ACTR5: variants seen among roughly 807,000 people sequenced by gnomAD.
The protein encoded by ACTR5 is actin related protein 5.
ACTR5 carries 43 observed loss-of-function variants against 61.2 expected under a neutral mutation model. That is an observed-to-expected ratio of 0.70 (90% CI 0.55 to 0.91). The LOEUF (loss-of-function observed/expected upper bound fraction) is 0.91. Among genes scored for constraint, ACTR5 ranks in the 40% least tolerant of loss-of-function variants. The pLI, the probability that ACTR5 is intolerant of heterozygous loss-of-function variation, is 0.00. For missense variants in ACTR5, 798 were observed against 782.2 expected, an observed-to-expected ratio of 1.02 and a Z score of -0.24; for synonymous variants, 333 against 310.5, an observed-to-expected ratio of 1.07 and a Z score of -0.76.
Position 38,755,986 on chromosome 20 carries a change from A to G in ACTR5, c.1123A>G (p.Ile375Val). 6.2e-7 allele frequency: 1 copy of G among 1,613,974 alleles called. No homozygotes were observed. Among genetic ancestry groups the G allele is most frequent in the South Asian group, 1.1e-5 (1 of 91,070 alleles). The change falls in exon 5 of 9, where the codon ATC becomes GTC. Residue 375 changes from isoleucine to valine, a missense_variant. By Grantham distance (29) the Ile-to-Val change is conservative. Transcript: ENST00000243903. ...AGCAGTGGAGCAGGCTAAGCAGAAA[A>G]TCCTCCAAGCGGAAGTCAACCTCGA... ...SIAVEQAKQK[I>V]LQAEVNLEVD...
chr20:38,754,436 C>T (rs1430908786), intron 3 of ACTR5, among the ~76,000 whole-genome samples: 3 of 151,938 alleles, frequency 2.0e-5, no homozygotes, highest in Non-Finnish European at 4.4e-5. Flanking sequence ...ACAATGGAGT[C>T]GGCCGGGCAT....
At chr20:38,753,707 AAAT>A (rs1428730284) in intron 3 of ACTR5, among the ~76,000 whole-genome samples, 2 of 152,202 alleles carry the variant, frequency 1.3e-5, no homozygotes, top group African/African-American at 2.4e-5. Context: ...TTTTTAAAAA[AAAT>A]CTATTCAGTC....
intron 5 of ACTR5, among the ~76,000 whole-genome samples, chr20:38,760,557 A>C (rs1207860378): frequency 1.3e-5 from 2 of 152,192 alleles, no homozygotes; most frequent in African/African-American, 2.4e-5. Flanking sequence ...CAGTGTTGAT[A>C]ATAGAGCATG....
At position 38,767,563 on chromosome 20, in the gene ACTR5, G is replaced by A; in HGVS notation, c.1533G>A (p.Leu511=). The part of the protein sequence containing the change: ...PGMKARMEKE[L]LEMRPFRSSF... ...TGAAAGCCAGAATGGAGAAGGAACT[G>A]TTGGAGATGAGACCCTTCCGGTCTT... The change falls in exon 8 of 9, where the codon CTG becomes CTA. Residue 511 remains leucine (L), a synonymous_variant. Transcript: ENST00000243903. 6.2e-7 allele frequency: 1 copy of A among 1,614,096 alleles called. No homozygotes were observed. Among genetic ancestry groups the A allele is most frequent in the Non-Finnish European group, 8.5e-7 (1 of 1,179,990 alleles).
rs568689547 is a variant in ACTR5 at position 38,771,996 on chromosome 20, G to A, written c.*180G>A. On this transcript the variant is annotated 3_prime_UTR_variant, in exon 9 of 9. Transcript: ENST00000243903. Reference sequence around the variant, plus strand: ...CACTGAGACCTGCCCTTCAGAATTCGGTTCACTTGGGGGCTTCTGTGGTAG... The same window carrying A: ...CACTGAGACCTGCCCTTCAGAATTCAGTTCACTTGGGGGCTTCTGTGGTAG... 5.9e-6 allele frequency: 5 copies of A among 854,700 alleles called. No homozygotes were observed. The highest frequency in any genetic ancestry group is 3.4e-5 in the African/African-American group (2 of 58,688). 52.9% of individuals were successfully genotyped at this position (854,700 alleles called of 1,614,324 possible).
At chr20:38,749,365 C>A (rs935609205) in intron 1 of ACTR5, among the ~76,000 whole-genome samples, 13 of 152,142 alleles carry the variant, frequency 8.5e-5, no homozygotes, top group African/African-American at 3.1e-4. Context: ...ATGTGAATAT[C>A]TGAAGGAAAA....
intron 5 of ACTR5, among the ~76,000 whole-genome samples, chr20:38,765,070 T>G (rs895546752): frequency 3.3e-5 from 5 of 152,162 alleles, no homozygotes; most frequent in African/African-American, 1.2e-4. Context: ...CTCTTAGAGT[T>G]GCGTGTGTGG....
intron 5 of ACTR5, chr20:38,761,804 G>A (rs2084456602): frequency 6.6e-6 from 1 of 152,616 alleles, no homozygotes; most frequent in African/African-American, 2.4e-5. Flanking sequence ...GAAGAATAAA[G>A]AGGGAAGTTC....
At chr20:38,754,738 G>A (rs773692425) in intron 3 of ACTR5, among the ~76,000 whole-genome samples, 35 of 151,174 alleles carry the variant, frequency 2.3e-4, no homozygotes, top group Non-Finnish European at 4.3e-4. Context: ...ACAGGTGCCC[G>A]CCACCACGCA....
At chr20:38,766,982 C>T (rs1490223083) in intron 7 of ACTR5, among the ~76,000 whole-genome samples, 1 of 152,034 alleles carries the variant, frequency 6.6e-6, no homozygotes, top group African/African-American at 2.4e-5. Flanking sequence ...TTTGTCTTGA[C>T]AGTGGTTGGA....
Position 38,748,652 on chromosome 20 carries a change from C to A in ACTR5, c.174C>A (p.Arg58=). 2 of 1,514,416 alleles carry A rather than the reference C, an allele frequency of 1.3e-6. No homozygotes were observed. The highest frequency in any genetic ancestry group is 1.8e-6 in the Non-Finnish European group (2 of 1,134,496). The allele number at this position is 1,514,416 out of a possible 1,614,324, so 93.8% of individuals were successfully genotyped here. A position where few individuals can be genotyped will look rare whatever the true frequency, so the allele number is the denominator to read the frequency against. ...CPGQDPGPEP[R]LQFRAVCARG... is the part of the protein sequence containing the mutation. Reference sequence around the variant, plus strand: ...GGCAGGACCCAGGTCCCGAGCCGCGCCTGCAGTTCCGCGCGGTGTGCGCCC... The same window carrying A: ...GGCAGGACCCAGGTCCCGAGCCGCGACTGCAGTTCCGCGCGGTGTGCGCCC... Residue 58 remains arginine (R), a synonymous_variant, in exon 1 of 9, where the codon CGC becomes CGA. Coordinates refer to ENST00000243903, the MANE Select transcript of ACTR5 (RefSeq NM_024855.4).
intron 5 of ACTR5, chr20:38,761,848 T>C (rs1170219552): frequency 1.3e-5 from 2 of 152,280 alleles, no homozygotes; most frequent in African/African-American, 4.8e-5. Context: ...TCTTTTAAGA[T>C]TTCCAGGGTT....
chr20:38,765,325 T>C (rs1421895515), intron 5 of ACTR5, 77 bp from the exon 6 acceptor site: 1 of 1,026,536 alleles, frequency 9.7e-7, no homozygotes, highest in African/African-American at 1.6e-5. Context: ...ATCCCAGTTC[T>C]TTTTTGTGGC....
intron 2 of ACTR5, among the ~76,000 whole-genome samples, chr20:38,750,726 T>G (rs1311615200): frequency 6.6e-6 from 1 of 152,106 alleles, no homozygotes; most frequent in Non-Finnish European, 1.5e-5. Flanking sequence ...CCTCCCGGGT[T>G]CAATTGATTC....
At chr20:38,768,811 G>A (rs553034608) in intron 8 of ACTR5, among the ~76,000 whole-genome samples, 2 of 152,306 alleles carry the variant, frequency 1.3e-5, no homozygotes, top group Non-Finnish European at 2.9e-5. Context: ...TAACAGTAGG[G>A]TGGTCCTGTT....
At chr20:38,754,435 T>G in intron 3 of ACTR5, among the ~76,000 whole-genome samples, 1 of 150,716 alleles carries the variant, frequency 6.6e-6, no homozygotes, top group Non-Finnish European at 1.5e-5. Context: ...AACAATGGAG[T>G]CGGCCGGGCA....
At chr20:38,756,562 A>AT (rs2084421238) in intron 5 of ACTR5, among the ~76,000 whole-genome samples, 1 of 152,068 alleles carries the variant, frequency 6.6e-6, no homozygotes, top group Non-Finnish European at 1.5e-5. Context: ...AAGCTCTTTG[A>AT]TTTTCTCTTC....
At chr20:38,761,743 G>A (rs2084456082) in intron 5 of ACTR5, 1 of 154,120 alleles carries the variant, frequency 6.5e-6, no homozygotes, top group Admixed American at 6.6e-5. Context: ...TCCCCTGCTA[G>A]AACCTCCAAA....
rs377470375 is a variant in ACTR5 at position 38,766,394 on chromosome 20, G to C, written c.1433+17G>C. The C allele has an allele frequency of 5.1e-6, 8 of 1,563,084 alleles. No individual in the cohort carries two copies. In the African/African-American group the frequency reaches 9.6e-5, roughly 19 times the overall value. Reference sequence around the variant, plus strand: ...TCTGGACAGGTGAGACAGCGAATCTGCTTTTCCTTCTATCTTCCTGAACCA... The same window carrying C: ...TCTGGACAGGTGAGACAGCGAATCTCCTTTTCCTTCTATCTTCCTGAACCA... On this transcript the variant is annotated intron_variant, in intron 7 of 8. Coordinates refer to ENST00000243903, the MANE Select transcript of ACTR5 (RefSeq NM_024855.4).
Sources: allele counts gnomAD v4.1 joint callset (sites outside exome capture counted in the v4.1 genomes callset), GRCh38; gene constraint gnomAD v4.1.1; transcripts MANE v1.5; gene names NCBI Gene and HGNC (gene_info 2026-07-23, HGNC 2026-07-21).